The following MKRN2 variants were observed in gnomAD, a reference collection of about 807,000 sequenced individuals.
MKRN2 encodes the protein makorin ring finger protein 2, also known as E3 ubiquitin-protein ligase makorin-2.
MKRN2 carries 32 observed loss-of-function variants against 45.4 expected under a neutral mutation model. The ratio of observed to expected loss-of-function variants is 0.70; its 90% CI spans 0.53 to 0.95. The LOEUF (loss-of-function observed/expected upper bound fraction) is 0.95. Ranked by LOEUF, MKRN2 falls within the 40% of genes least tolerant of loss-of-function variation. The pLI is 0.00. For synonymous variants in MKRN2, 206 were observed against 192.4 expected, an observed-to-expected ratio of 1.07 and a Z score of -0.59; for missense variants, 526 against 536.7, an observed-to-expected ratio of 0.98 and a Z score of 0.20.
rs565312557 is a variant in MKRN2, at chr3:12,573,872, G to A, written c.643-920G>A. On this transcript the variant is annotated intron_variant, in intron 4 of 7. Transcript: ENST00000170447. The stretch of plus-strand genomic sequence containing the variant: ...TGCACCACCGCACTCCAGCCTGGAC[G>A]ACAGAGAGAGACTCTGTCTCAAAAA... 4.0e-5 allele frequency among the ~76,000 whole-genome samples: 6 copies of A among 151,230 alleles called. No individual in the cohort carries two copies. The South Asian group carries it at 6.3e-4, about 16-fold the overall frequency.
chr3:12,558,920 CTG>C (rs2058009804), intron 1 of MKRN2, among the ~76,000 whole-genome samples: 1 of 152,220 alleles, frequency 6.6e-6, no homozygotes. Context: ...GATCGTAAAA[CTG>C]AGCCTCAGCA....
chr3:12,577,112 T>G (rs2058145897), intron 6 of MKRN2: 1 of 154,992 alleles, frequency 6.5e-6, no homozygotes, highest in Non-Finnish European at 1.4e-5. Context: ...ATTGGCTAAT[T>G]TTTTTTGGTA....
At chr3:12,571,128 T>TTTG in intron 3 of MKRN2, among the ~76,000 whole-genome samples, 1 of 148,188 alleles carries the variant, frequency 6.7e-6, no homozygotes, top group Admixed American at 6.8e-5. Context: ...GTTTGTTTTG[T>TTTG]TTTTGTTTTT....
intron 5 of MKRN2, among the ~76,000 whole-genome samples, chr3:12,575,423 A>G (rs2058126890): frequency 6.6e-6 from 1 of 152,230 alleles, no homozygotes; most frequent in African/African-American, 2.4e-5. Flanking sequence ...TAATGCATGT[A>G]AAACATTCTG....
At chr3:12,574,731 A>G (rs2058120149) in intron 4 of MKRN2, 61 bp from the exon 5 acceptor site, 2 of 1,459,748 alleles carry the variant, frequency 1.4e-6, no homozygotes, top group Middle Eastern at 2.5e-4. Context: ...AGCTACTCCT[A>G]GGGCTCCTGC....
At chr3:12,579,510 T>C (rs983029883) in intron 6 of MKRN2, among the ~76,000 whole-genome samples, 1 of 152,176 alleles carries the variant, frequency 6.6e-6, no homozygotes, top group Non-Finnish European at 1.5e-5. Flanking sequence ...GCAATTATGA[T>C]ACAGGTTTGC....
chr3:12,583,384 T>G lies in MKRN2; in HGVS notation c.*1131T>G, dbSNP rs1479531977. 1.2e-5 allele frequency: 2 copies of G among 173,328 alleles called. No individual in the cohort carries two copies. The highest frequency in any genetic ancestry group is 2.5e-5 in the Non-Finnish European group (2 of 80,534). 10.7% of individuals were successfully genotyped at this position (173,328 alleles called of 1,614,324 possible). On this transcript the variant is annotated 3_prime_UTR_variant, in exon 8 of 8. Transcript: ENST00000170447. ...TTTATAAAATGTATTACTTAAGGTA[T>G]TAGCTGAGTTTAGAGTACTTTCTGC...
In MKRN2 at chr3:12,576,749, C is replaced by T; in HGVS notation, c.968+8C>T. ...TTTCAAACAGGGGATGGGGTAAGTGCTTTTGAGTTTCGACGTGCCCCTGCT... is the reference window on the plus strand; with the variant it reads ...TTTCAAACAGGGGATGGGGTAAGTGTTTTTGAGTTTCGACGTGCCCCTGCT... On this transcript the variant is annotated splice_region_variant and intron_variant, in intron 6 of 7. Transcript: ENST00000170447. 6.3e-7 allele frequency: 1 copy of T among 1,576,724 alleles called. No homozygotes were observed. Among genetic ancestry groups the T allele is most frequent in the Non-Finnish European group, 8.7e-7 (1 of 1,147,454 alleles).
rs562298528 is a variant in MKRN2 at position 12,566,198 on chromosome 3, A to G, written c.27-2677A>G. 6.9e-4 allele frequency among the ~76,000 whole-genome samples: 105 copies of G among 152,118 alleles called. 1 individual carries two copies. The South Asian group carries it at 0.013, about 19-fold the overall frequency. ...AATCCCTGCAGCCTCCCTAAACTCA[A>G]TCTCTGTGATTTGCCTGAGGTTCTA... On this transcript the variant is annotated intron_variant, in intron 1 of 7. Transcript: ENST00000170447.
At chr3:12,571,937 G>A (rs2058102004) in intron 3 of MKRN2, 132 bp from the exon 4 acceptor site, 1 of 829,684 alleles carries the variant, frequency 1.2e-6, no homozygotes, top group Non-Finnish European at 1.8e-6. Context: ...CCTTCGGTGT[G>A]TTTTTTTTGC....
At chr3:12,574,658 C>T in intron 4 of MKRN2, 134 bp from the exon 5 acceptor site, 1 of 813,496 alleles carries the variant, frequency 1.2e-6, no homozygotes, top group South Asian at 1.6e-5. Context: ...GGAGCCTGGG[C>T]CTTTGCTCAC....
intron 1 of MKRN2, among the ~76,000 whole-genome samples, chr3:12,565,524 CTTTTTTTTTT>C (rs10598451): frequency 1.3e-4 from 12 of 91,962 alleles, no homozygotes; most frequent in Admixed American, 1.1e-3. Context: ...CCCAACTTAC[CTTTTTTTTTT>C]TTTTTTTTTT....
At chr3:12,575,103 G>C (rs2058123515) in intron 5 of MKRN2, 97 bp downstream of exon 5, 2 of 1,165,206 alleles carry the variant, frequency 1.7e-6, no homozygotes, top group Non-Finnish European at 2.5e-6. Flanking sequence ...ACCCTCAAGA[G>C]TAACTGGTGA....
intron 3 of MKRN2, among the ~76,000 whole-genome samples, chr3:12,570,567 A>G (rs562681926): frequency 2.6e-5 from 4 of 152,252 alleles, no homozygotes; most frequent in South Asian, 4.1e-4. Context: ...AGAAGCATCA[A>G]GCTCTTCATT....
At chr3:12,562,406 ACT>A (rs2058043614) in intron 1 of MKRN2, among the ~76,000 whole-genome samples, 1 of 152,158 alleles carries the variant, frequency 6.6e-6, no homozygotes, top group Non-Finnish European at 1.5e-5. Context: ...CTGCTGTGTA[ACT>A]CTCTTCTGTG....
intron 6 of MKRN2, among the ~76,000 whole-genome samples, chr3:12,578,101 A>G (rs905270236): frequency 1.3e-5 from 2 of 152,162 alleles, no homozygotes; most frequent in Admixed American, 6.5e-5. Context: ...TTTGGGAGTT[A>G]GTCAGATTTG....
At position 12,572,386 on chromosome 3, in the gene MKRN2, A is replaced by G. The variant is rs1271286795; in HGVS notation, c.642+13A>G. The G allele has an allele frequency of 1.3e-6, 2 of 1,539,858 alleles. No homozygotes were observed. The highest frequency in any genetic ancestry group is 1.3e-5 in the South Asian group (1 of 79,974). On this transcript the variant is annotated intron_variant, in intron 4 of 7. Transcript: ENST00000170447. ...GGCTCATGAAAAGGTAAAGTCACAAACCTTTGCATGAACTCATGTTAAGAA... is the reference window on the plus strand; with the variant it reads ...GGCTCATGAAAAGGTAAAGTCACAAGCCTTTGCATGAACTCATGTTAAGAA...
rs2058186457 is a variant in MKRN2 at position 12,582,181 on chromosome 3, T to C, written c.1179T>C (p.Asn393=). 1 of 1,613,994 alleles carries C rather than the reference T, an allele frequency of 6.2e-7. No homozygotes were observed. The highest frequency in any genetic ancestry group is 8.5e-7 in the Non-Finnish European group (1 of 1,180,032). Residue 393 remains asparagine (N), a synonymous_variant, in exon 8 of 8, where the codon AAT becomes AAC. Transcript: ENST00000170447. ...ENRESRHVPN[N]EDVDMTELGD... ...GAGAAAGCCGGCATGTCCCCAACAA[T>C]GAAGATGTCGACATGACAGAGCTCG...
intron 4 of MKRN2, among the ~76,000 whole-genome samples, chr3:12,573,907 A>G (rs1203695591): frequency 6.6e-6 from 1 of 151,838 alleles, no homozygotes; most frequent in Non-Finnish European, 1.5e-5. Flanking sequence ...AAAAAAAAAA[A>G]TTATTTTATT....
Sources: gnomAD v4.1 joint callset for allele counts (sites outside exome capture counted in the v4.1 genomes callset) on GRCh38, gnomAD v4.1.1 for gene constraint, MANE v1.5 for transcripts, NCBI Gene and HGNC (gene_info 2026-07-23, HGNC 2026-07-21) for gene names.